Variants in TMEM178B observed in about 807,000 individuals in gnomAD.
TMEM178B encodes transmembrane protein 178B.
A neutral mutation model predicts 31.0 loss-of-function variants in TMEM178B; 5 were observed. The ratio of observed to expected loss-of-function variants is 0.16; its 90% CI spans 0.08 to 0.34. TMEM178B has a LOEUF of 0.34. Among genes scored for constraint, TMEM178B ranks in the 10% least tolerant of loss-of-function variants. The pLI is 1.00. For missense variants in TMEM178B, 275 were observed against 400.3 expected, an observed-to-expected ratio of 0.69 and a Z score of 2.67; for synonymous variants, 164 against 164.0, an observed-to-expected ratio of 1.00 and a Z score of 0.00.
chr7:141,137,543 A>G (rs1424768927), intron 1 of TMEM178B, among the ~76,000 whole-genome samples: 1 of 152,218 alleles, frequency 6.6e-6, no homozygotes, highest in Non-Finnish European at 1.5e-5. Context: ...AATGATATTT[A>G]CCAGAGACTG....
chr7:141,426,231 A>G (rs1320236199), intron 2 of TMEM178B, among the ~76,000 whole-genome samples: 1 of 152,224 alleles, frequency 6.6e-6, no homozygotes, highest in Non-Finnish European at 1.5e-5. Flanking sequence ...ATTGTTGCAG[A>G]GTGGAATGGT....
At chr7:141,423,682 ATTTG>A (rs1191515533) in intron 2 of TMEM178B, among the ~76,000 whole-genome samples, 4 of 151,076 alleles carry the variant, frequency 2.6e-5, no homozygotes, top group East Asian at 1.9e-4. Context: ...TGAGTTCAGT[ATTTG>A]TTTGTTTGTT....
At chr7:141,160,813 G>T (rs542454465) in intron 1 of TMEM178B, among the ~76,000 whole-genome samples, 1 of 152,294 alleles carries the variant, frequency 6.6e-6, no homozygotes, top group African/African-American at 2.4e-5. Context: ...CCTGCATAGA[G>T]ATTCAATTAT....
intron 2 of TMEM178B, among the ~76,000 whole-genome samples, chr7:141,288,276 C>T (rs191715715): frequency 6.6e-6 from 1 of 151,976 alleles, no homozygotes; most frequent in East Asian, 1.9e-4. Context: ...GCTTGAAGGG[C>T]TTACCCTGTT....
chr7:141,146,736 A>T (rs946324897), intron 1 of TMEM178B, among the ~76,000 whole-genome samples: 2 of 152,158 alleles, frequency 1.3e-5, no homozygotes, highest in African/African-American at 4.8e-5. Flanking sequence ...GTGAATGAAT[A>T]TATCCCAGTT....
intron 1 of TMEM178B, among the ~76,000 whole-genome samples, chr7:141,189,709 G>T (rs1418542747): frequency 6.6e-6 from 1 of 152,206 alleles, no homozygotes; most frequent in Non-Finnish European, 1.5e-5. Context: ...AGCATGAGCA[G>T]CATCCTGACT....
chr7:141,115,282 T>TCA (rs112862637), intron 1 of TMEM178B, among the ~76,000 whole-genome samples: 35,904 of 151,672 alleles, frequency 0.24, 5,290 homozygotes, highest in East Asian at 0.43. Flanking sequence ...CTCAGGTGAT[T>TCA]CACCCAACCT....
chr7:141,185,832 CA>C (rs1796601960), intron 1 of TMEM178B, among the ~76,000 whole-genome samples: 1 of 152,074 alleles, frequency 6.6e-6, no homozygotes, highest in African/African-American at 2.4e-5. Context: ...TTCCATATCA[CA>C]GTCATGGCTT....
chr7:141,231,201 A>G (rs1465942320), intron 2 of TMEM178B, among the ~76,000 whole-genome samples: 2 of 152,156 alleles, frequency 1.3e-5, no homozygotes, highest in Non-Finnish European at 2.9e-5. Flanking sequence ...GAGCTGGTGC[A>G]TACAGAAGGC....
At chr7:141,431,602 G>A (rs772779516) in intron 2 of TMEM178B, among the ~76,000 whole-genome samples, 3 of 152,184 alleles carry the variant, frequency 2.0e-5, no homozygotes, top group African/African-American at 7.2e-5. Flanking sequence ...GACATGATTC[G>A]TGAGGAGATT....
At position 141,461,343 on chromosome 7, in the gene TMEM178B, G is replaced by A. The variant is rs145212579; in HGVS notation, c.635-9193G>A. On this transcript the variant is annotated intron_variant, in intron 3 of 3. Coordinates refer to ENST00000565468, the MANE Select transcript of TMEM178B (RefSeq NM_001195278.2). The surrounding 1 kb of genome is among the most constrained non-coding windows in gnomAD (Gnocchi z 4.0). Reference sequence around the variant, plus strand: ...CAACAAGAGAGGAAGCCAGGATTGGGGATCCGCAGACACCGTTCCACATTC... The same window carrying A: ...CAACAAGAGAGGAAGCCAGGATTGGAGATCCGCAGACACCGTTCCACATTC... 1.5e-3 allele frequency among the ~76,000 whole-genome samples: 231 copies of A among 152,300 alleles called. 2 individuals carry two copies. Among genetic ancestry groups the A allele is most frequent in the Middle Eastern group, 6.8e-3 (2 of 294 alleles).
intron 2 of TMEM178B, among the ~76,000 whole-genome samples, chr7:141,234,678 C>T (rs1797498906): frequency 6.6e-6 from 1 of 152,190 alleles, no homozygotes; most frequent in Non-Finnish European, 1.5e-5. Flanking sequence ...TAATCAAACC[C>T]TAATTCCCCT....
chr7:141,485,399 C>T, the TMEM178B span, among the ~76,000 whole-genome samples: 2 of 152,180 alleles, frequency 1.3e-5, no homozygotes, highest in Admixed American at 1.3e-4. Context: ...AGATATTTAG[C>T]CTCTGTGTGC....
At chr7:141,231,802 C>A (rs898344606) in intron 2 of TMEM178B, among the ~76,000 whole-genome samples, 1 of 152,230 alleles carries the variant, frequency 6.6e-6, no homozygotes, top group Non-Finnish European at 1.5e-5. Flanking sequence ...TTTTTCCCAT[C>A]AACTTTTATT....
intron 2 of TMEM178B, among the ~76,000 whole-genome samples, chr7:141,245,673 G>A (rs1797719504): frequency 6.6e-6 from 1 of 152,132 alleles, no homozygotes; most frequent in East Asian, 1.9e-4. Context: ...CAGCCACATC[G>A]TATACATAAG....
chr7:141,213,965 G>T (rs1797090360), intron 2 of TMEM178B, among the ~76,000 whole-genome samples: 2 of 152,178 alleles, frequency 1.3e-5, no homozygotes, highest in African/African-American at 4.8e-5. Context: ...GCAGCACATG[G>T]GGATGGAGAG....
At chr7:141,179,993 C>A (rs145053041) in intron 1 of TMEM178B, among the ~76,000 whole-genome samples, 2 of 152,212 alleles carry the variant, frequency 1.3e-5, no homozygotes, top group Non-Finnish European at 2.9e-5. Context: ...ACCTCCATCA[C>A]GTCTTCCATC....
At chr7:141,210,067 A>G (rs10271670) in intron 1 of TMEM178B, among the ~76,000 whole-genome samples, 82 of 152,284 alleles carry the variant, frequency 5.4e-4, no homozygotes, top group African/African-American at 1.9e-3. Context: ...GTGGCCTGGT[A>G]GAGGAGGCTC....
intron 1 of TMEM178B, among the ~76,000 whole-genome samples, chr7:141,112,380 G>A (rs1795247574): frequency 6.6e-6 from 1 of 152,102 alleles, no homozygotes; most frequent in Non-Finnish European, 1.5e-5. Flanking sequence ...AGCCTCCTGA[G>A]TAGCTGGGAC....
Sources: allele counts gnomAD v4.1 joint callset (sites outside exome capture counted in the v4.1 genomes callset), GRCh38; gene constraint gnomAD v4.1.1; non-coding constraint Gnocchi (gnomAD v3.1); transcripts MANE v1.5; gene names NCBI Gene and HGNC (gene_info 2026-07-23, HGNC 2026-07-21).